The following FARS2 variants were observed in gnomAD, a reference collection of about 807,000 sequenced individuals.
FARS2 encodes phenylalanyl-tRNA synthetase 2, mitochondrial, also known as phenylalanine--tRNA ligase, mitochondrial.
FARS2 carries 40 observed loss-of-function variants against 46.4 expected under a neutral mutation model. The ratio of observed to expected loss-of-function variants is 0.86; its 90% CI spans 0.67 to 1.12. The LOEUF (loss-of-function observed/expected upper bound fraction) is 1.12. Ranked by LOEUF, FARS2 falls within the 50% of genes most tolerant of loss-of-function variation. FARS2 has a pLI of 0.00. For synonymous variants in FARS2, 234 were observed against 214.9 expected (o/e 1.09, Z -0.78); for missense variants, 513 against 567.9 (o/e 0.90, Z 0.98).
At position 5,594,107 on chromosome 6, in the gene FARS2, T is replaced by A. The variant is rs146725263; in HGVS notation, c.1066-19062T>A. 4.6e-5 allele frequency among the ~76,000 whole-genome samples: 7 copies of A among 152,142 alleles called. No individual in the cohort carries two copies. The East Asian group carries it at 1.4e-3, about 30-fold the overall frequency. ...TTTTTGGGTGGAAGGGAAAGAAACT[T>A]GAGGGCATGTAGGCCTAGGATCTTT... On this transcript the variant is annotated intron_variant, in intron 5 of 6. Coordinates refer to ENST00000274680, the MANE Select transcript of FARS2 (RefSeq NM_006567.5).
upstream of FARS2, chr6:5,260,897 G>C (rs1765052878): frequency 2.9e-6 from 4 of 1,397,460 alleles, no homozygotes; most frequent in African/African-American, 3.0e-5. Flanking sequence ...CCTGCGGATC[G>C]CGGACGGCGC....
At position 5,404,597 on chromosome 6, in the gene FARS2, G is replaced by T; in HGVS notation, c.668G>T (p.Arg223Leu). Residue 223 changes from arginine to leucine, a missense_variant, in exon 3 of 7, where the codon CGC becomes CTC. Coordinates refer to ENST00000274680, the MANE Select transcript of FARS2 (RefSeq NM_006567.5). ...ESLQLFEQSS[R>L]SAHKQETHTM... ...CTGCAGCTCTTTGAACAAAGTTCTC[G>T]CTCTGCGCATAAACAAGAGACACAC... The T allele has an allele frequency of 6.2e-7, 1 of 1,611,270 alleles. No homozygotes were observed. Among genetic ancestry groups the T allele is most frequent in the Middle Eastern group, 1.7e-4 (1 of 6,026 alleles).
At chr6:5,306,284 A>T (rs903543473) in intron 1 of FARS2, among the ~76,000 whole-genome samples, 1 of 152,210 alleles carries the variant, frequency 6.6e-6, no homozygotes, top group African/African-American at 2.4e-5. Flanking sequence ...ATGCATTAAT[A>T]GTGAGGGAAG....
intron 4 of FARS2, chr6:5,431,580 A>G (rs1763169090): frequency 2.0e-6 from 1 of 500,462 alleles, no homozygotes; most frequent in Non-Finnish European, 4.1e-6. Context: ...TAGTGTCCCA[A>G]ATTCAGCAAG....
At chr6:5,416,370 G>A (rs2432765) in intron 3 of FARS2, among the ~76,000 whole-genome samples, 49,525 of 152,010 alleles carry the variant, frequency 0.33, 8,600 homozygotes, top group African/African-American at 0.43. Flanking sequence ...AGTTGTTCCA[G>A]CATCGTTTGT....
chr6:5,490,384 A>G (rs535805510), intron 4 of FARS2, among the ~76,000 whole-genome samples: 111 of 152,286 alleles, frequency 7.3e-4, no homozygotes, highest in Non-Finnish European at 1.3e-3. Flanking sequence ...TGTCTGCATA[A>G]TGTGTTCATT....
chr6:5,442,870 G>A (rs1246525332), intron 4 of FARS2, among the ~76,000 whole-genome samples: 1 of 152,110 alleles, frequency 6.6e-6, no homozygotes, highest in Admixed American at 6.5e-5. Flanking sequence ...CAGGCCTCTG[G>A]TATTTCCATT....
chr6:5,496,824 T>C (rs564362533), intron 4 of FARS2, among the ~76,000 whole-genome samples: 2 of 152,280 alleles, frequency 1.3e-5, no homozygotes, highest in South Asian at 4.1e-4. Flanking sequence ...AAGTTTTTGT[T>C]GTTGTTGTTG....
chr6:5,464,001 G>A (rs1163288999), intron 4 of FARS2, among the ~76,000 whole-genome samples: 1 of 152,140 alleles, frequency 6.6e-6, no homozygotes, highest in Non-Finnish European at 1.5e-5. Context: ...TCTAGTGTCG[G>A]GATTCATGGC....
intron 1 of FARS2, among the ~76,000 whole-genome samples, chr6:5,282,977 C>T (rs543371303): frequency 6.6e-6 from 1 of 152,236 alleles, no homozygotes; most frequent in East Asian, 1.9e-4. Flanking sequence ...TGGCTTACAC[C>T]TGTAATCCCA....
At chr6:5,338,583 A>AACCC (rs1771331597) in intron 1 of FARS2, among the ~76,000 whole-genome samples, 1 of 46,432 alleles carries the variant, frequency 2.2e-5, no homozygotes, top group Non-Finnish European at 4.5e-5. Flanking sequence ...CCACCCACCC[A>AACCC]ACCCACCTGC....
intron 1 of FARS2, among the ~76,000 whole-genome samples, chr6:5,293,287 G>C (rs754759878): frequency 1.3e-5 from 2 of 152,188 alleles, no homozygotes; most frequent in Non-Finnish European, 2.9e-5. Flanking sequence ...GATGCTTTTT[G>C]TTTTAGTAGG....
intron 5 of FARS2, among the ~76,000 whole-genome samples, chr6:5,557,237 G>C (rs548203845): frequency 6.6e-6 from 1 of 152,212 alleles, no homozygotes; most frequent in East Asian, 1.9e-4. Context: ...AGAAGACCCA[G>C]CTAAGAATGG....
chr6:5,652,756 G>A (rs1393016769), intron 6 of FARS2, among the ~76,000 whole-genome samples: 2 of 152,252 alleles, frequency 1.3e-5, no homozygotes, highest in African/African-American at 4.8e-5. Flanking sequence ...CATAGCTAAT[G>A]TGGGTAGAGC....
At chr6:5,670,347 A>G (rs1561789732) in intron 6 of FARS2, among the ~76,000 whole-genome samples, 2 of 152,210 alleles carry the variant, frequency 1.3e-5, no homozygotes, top group Non-Finnish European at 1.5e-5. Flanking sequence ...AATTCAGGAA[A>G]TCATTTACTT....
chr6:5,498,462 ACG>A, intron 4 of FARS2, among the ~76,000 whole-genome samples: 1 of 152,278 alleles, frequency 6.6e-6, no homozygotes, highest in East Asian at 1.9e-4. Context: ...TTATCATAAA[ACG>A]TAAGTGTTTC....
intron 1 of FARS2, among the ~76,000 whole-genome samples, chr6:5,303,284 A>G (rs1193291949): frequency 1.3e-5 from 2 of 152,184 alleles, no homozygotes; most frequent in Admixed American, 1.3e-4. Context: ...GTGCCTGGAC[A>G]TAGAGATGAA....
chr6:5,418,274 A>G (rs1187914982), intron 3 of FARS2, among the ~76,000 whole-genome samples: 1 of 152,204 alleles, frequency 6.6e-6, no homozygotes, highest in South Asian at 2.1e-4. Context: ...ATATTGCCAA[A>G]CATTGTTAAT....
intron 6 of FARS2, among the ~76,000 whole-genome samples, chr6:5,726,171 T>G (rs1215346776): frequency 7.0e-6 from 1 of 143,450 alleles, no homozygotes; most frequent in Admixed American, 6.9e-5. Flanking sequence ...TTTTAGAATC[T>G]TTTTTTTTTT....
Sources: gnomAD v4.1 joint callset for allele counts (sites outside exome capture counted in the v4.1 genomes callset) on GRCh38, gnomAD v4.1.1 for gene constraint, MANE v1.5 for transcripts, NCBI Gene and HGNC (gene_info 2026-07-23, HGNC 2026-07-21) for gene names.